The following TRAPPC9 variants were observed in gnomAD, a reference collection of about 807,000 sequenced individuals.
TRAPPC9 encodes the protein IKK2 binding protein.
In TRAPPC9, 83 loss-of-function variants were observed where a neutral mutation model predicts 124.0. That is an observed-to-expected ratio of 0.67 (90% CI 0.56 to 0.80). The LOEUF (loss-of-function observed/expected upper bound fraction) is 0.80. Among genes scored for constraint, TRAPPC9 ranks in the 30% least tolerant of loss-of-function variants. The probability of loss-of-function intolerance (pLI) is 0.00; values close to 1 mark genes in which losing one functional copy is unlikely to be tolerated. For missense variants in TRAPPC9, 1,302 were observed against 1,508.3 expected, an observed-to-expected ratio of 0.86 and a Z score of 2.27; for synonymous variants, 638 against 617.5, an observed-to-expected ratio of 1.03 and a Z score of -0.49.
chr8:140,060,118 G>A (rs1357266586), intron 17 of TRAPPC9, among the ~76,000 whole-genome samples: 7 of 152,312 alleles, frequency 4.6e-5, no homozygotes, highest in Non-Finnish European at 8.8e-5. Context: ...TGGCAGTTGC[G>A]TTACCTGTGG....
chr8:140,296,820 A>G (rs1007821425), intron 11 of TRAPPC9, among the ~76,000 whole-genome samples: 1 of 152,254 alleles, frequency 6.6e-6, no homozygotes, highest in African/African-American at 2.4e-5. Flanking sequence ...TTTCTCAACG[A>G]AAGAACTGAA....
intron 21 of TRAPPC9, among the ~76,000 whole-genome samples, chr8:139,829,111 C>G (rs1825811282): frequency 6.6e-6 from 1 of 152,042 alleles, no homozygotes; most frequent in African/African-American, 2.4e-5. Flanking sequence ...AAATCTTCGT[C>G]TATATTTAGA....
rs568033384 is a variant in TRAPPC9 at position 140,027,280 on chromosome 8, C to A, written c.2557-3201G>T. Among the ~76,000 whole-genome samples the A allele has an allele frequency of 1.2e-4, 18 of 152,288 alleles. No individual in the cohort carries two copies. In the East Asian group the frequency reaches 3.3e-3, roughly 28 times the overall value. ...TAAATAATAAATAAATGAAGCCAAC[C>A]AACCACCTAACATATACACAGCATC... On this transcript the variant is annotated intron_variant, in intron 17 of 22. Transcript: ENST00000438773.
chr8:139,996,417 T>TG (rs1009892105), intron 18 of TRAPPC9, among the ~76,000 whole-genome samples: 1 of 151,302 alleles, frequency 6.6e-6, no homozygotes, highest in Non-Finnish European at 1.5e-5. Context: ...TTGGGGGTGG[T>TG]GGGGGAACTC....
At chr8:140,347,650 T>C (rs1472748913) in intron 9 of TRAPPC9, among the ~76,000 whole-genome samples, 1 of 152,236 alleles carries the variant, frequency 6.6e-6, no homozygotes, top group Non-Finnish European at 1.5e-5. Flanking sequence ...GCTCATTGGC[T>C]ATAAAGCCCC....
chr8:139,983,922 G>A (rs769693250), intron 19 of TRAPPC9, among the ~76,000 whole-genome samples: 6 of 152,148 alleles, frequency 3.9e-5, no homozygotes, highest in Non-Finnish European at 8.8e-5. Flanking sequence ...TGAGGACACT[G>A]TTCCCACATG....
At chr8:139,973,920 G>T (rs1014088013) in intron 19 of TRAPPC9, among the ~76,000 whole-genome samples, 1 of 152,124 alleles carries the variant, frequency 6.6e-6, no homozygotes, top group African/African-American at 2.4e-5. Context: ...CACCCTGTGG[G>T]CCACCTGGGA....
At chr8:140,361,525 C>T (rs927208922) in intron 8 of TRAPPC9, among the ~76,000 whole-genome samples, 2 of 152,216 alleles carry the variant, frequency 1.3e-5, no homozygotes, top group African/African-American at 4.8e-5. Flanking sequence ...ATTTAAAGCA[C>T]TTCAGCAGTT....
chr8:140,033,044 A>G (rs1840601068), intron 17 of TRAPPC9, among the ~76,000 whole-genome samples: 2 of 152,140 alleles, frequency 1.3e-5, no homozygotes, highest in Non-Finnish European at 2.9e-5. Flanking sequence ...TTACACATTC[A>G]TATCATTTCC....
At chr8:140,115,317 G>A (rs2060858862) in intron 17 of TRAPPC9, among the ~76,000 whole-genome samples, 1 of 151,454 alleles carries the variant, frequency 6.6e-6, no homozygotes, top group South Asian at 2.1e-4. Flanking sequence ...GCCCAGGCTG[G>A]AGTGCAGTGG....
intron 2 of TRAPPC9, among the ~76,000 whole-genome samples, chr8:140,450,519 C>T (rs994770085): frequency 6.6e-6 from 1 of 152,038 alleles, no homozygotes; most frequent in African/African-American, 2.4e-5. Flanking sequence ...CTCCAGGAGT[C>T]CCACGAGGGG....
intron 17 of TRAPPC9, among the ~76,000 whole-genome samples, chr8:140,109,152 G>T (rs946657831): frequency 2.6e-5 from 4 of 152,078 alleles, no homozygotes; most frequent in Admixed American, 2.6e-4. Context: ...AAGGGAAGGC[G>T]AGGTCGACAC....
intron 19 of TRAPPC9, among the ~76,000 whole-genome samples, chr8:139,953,543 C>T (rs1372201741): frequency 6.6e-6 from 1 of 151,532 alleles, no homozygotes; most frequent in African/African-American, 2.4e-5. Flanking sequence ...CTAGAAAAGA[C>T]ATAGAAGACA....
chr8:139,978,128 T>C (rs113499208), intron 19 of TRAPPC9, among the ~76,000 whole-genome samples: 156 of 152,282 alleles, frequency 1.0e-3, no homozygotes, highest in African/African-American at 3.3e-3. Context: ...TCCTCCCACC[T>C]TGGCCTCCCA....
At chr8:139,973,681 G>A (rs1002360066) in intron 19 of TRAPPC9, among the ~76,000 whole-genome samples, 2 of 152,240 alleles carry the variant, frequency 1.3e-5, no homozygotes, top group African/African-American at 4.8e-5. Context: ...AGGCACGGGT[G>A]AAACCACACT....
chr8:140,044,572 A>G (rs1430185428), intron 17 of TRAPPC9, among the ~76,000 whole-genome samples: 1 of 152,268 alleles, frequency 6.6e-6, no homozygotes, highest in Non-Finnish European at 1.5e-5. Context: ...TCTTCAGGGC[A>G]TGACAGTGCC....
chr8:140,274,859 T>C (rs1013845424), intron 15 of TRAPPC9, among the ~76,000 whole-genome samples: 2 of 152,238 alleles, frequency 1.3e-5, no homozygotes, highest in Admixed American at 6.5e-5. Context: ...TCCCCTTGTA[T>C]GCCTGGTTCA....
intron 17 of TRAPPC9, among the ~76,000 whole-genome samples, chr8:140,068,174 G>A (rs758209519): frequency 2.0e-5 from 3 of 152,118 alleles, no homozygotes; most frequent in East Asian, 1.9e-4. Context: ...AGTGCTATGC[G>A]TGCCACCCAG....
intron 5 of TRAPPC9, among the ~76,000 whole-genome samples, chr8:140,418,699 G>A (rs1014816418): frequency 2.0e-5 from 3 of 151,754 alleles, no homozygotes; most frequent in Non-Finnish European, 4.4e-5. Context: ...CAGCCTGGGC[G>A]ACAAAGCGAG....
Sources: allele counts gnomAD v4.1 joint callset (sites outside exome capture counted in the v4.1 genomes callset), GRCh38; gene constraint gnomAD v4.1.1; transcripts MANE v1.5; gene names NCBI Gene and HGNC (gene_info 2026-07-23, HGNC 2026-07-21).